PTPRN2: variants seen among roughly 807,000 people sequenced by gnomAD.
PTPRN2 encodes the protein protein tyrosine phosphatase receptor type N2, also known as receptor-type tyrosine-protein phosphatase N2.
Under a neutral mutation model 118.8 loss-of-function variants are expected in PTPRN2, and 74 were observed. That is an observed-to-expected ratio of 0.62 (90% CI 0.52 to 0.76). The LOEUF is 0.76. Ranked by LOEUF, PTPRN2 falls within the 30% of genes least tolerant of loss-of-function variation. The pLI is 0.00. For synonymous variants in PTPRN2, 641 were observed against 608.0 expected (o/e 1.05, Z -0.80); for missense variants, 1,481 against 1,394.4 (o/e 1.06, Z -0.99).
At chr7:157,686,225 G>A (rs1243400515) in intron 12 of PTPRN2, among the ~76,000 whole-genome samples, 1 of 152,212 alleles carries the variant, frequency 6.6e-6, no homozygotes, top group Non-Finnish European at 1.5e-5. Context: ...AGAAACCGAA[G>A]AAAGAGGTCT....
chr7:158,420,096 G>C (rs1815122081), intron 2 of PTPRN2, among the ~76,000 whole-genome samples: 1 of 152,158 alleles, frequency 6.6e-6, no homozygotes, highest in Non-Finnish European at 1.5e-5. Context: ...CCACATTTGT[G>C]TCCAGCACAA....
intron 5 of PTPRN2, among the ~76,000 whole-genome samples, chr7:158,169,264 ACAGAGTCTCCCTCTTTCATC>A (rs1823305707): frequency 6.6e-6 from 1 of 152,010 alleles, no homozygotes; most frequent in Non-Finnish European, 1.5e-5. Context: ...TTTTTTTGAG[ACAGAGTCTCCCTCTTTCATC>A]CAGGCTGGAG....
Position 157,780,695 on chromosome 7 carries a change from C to T in PTPRN2, c.1789-97758G>A, listed in dbSNP as rs1803625711. On this transcript the variant is annotated intron_variant, in intron 12 of 22. Coordinates refer to ENST00000389418, the MANE Select transcript of PTPRN2 (RefSeq NM_002847.5). The surrounding 1 kb of genome is among the most constrained non-coding windows in gnomAD (Gnocchi z 4.5). ...ATTTCGCAGGGTGGTCACGGGTATT[C>T]CCTATGTTGGAATGCATGATGGGGC... Among the ~76,000 whole-genome samples the T allele has an allele frequency of 6.6e-6, 1 of 152,152 alleles. No individual in the cohort carries two copies. Among genetic ancestry groups the T allele is most frequent in the Non-Finnish European group, 1.5e-5 (1 of 68,028 alleles).
At chr7:157,745,916 T>C (rs1206460869) in intron 12 of PTPRN2, among the ~76,000 whole-genome samples, 3 of 152,018 alleles carry the variant, frequency 2.0e-5, no homozygotes, top group African/African-American at 7.3e-5. Flanking sequence ...CAGGACTCCC[T>C]ACACACCATA....
At chr7:158,013,070 A>G (rs997075457) in intron 11 of PTPRN2, among the ~76,000 whole-genome samples, 2 of 152,170 alleles carry the variant, frequency 1.3e-5, no homozygotes, top group Non-Finnish European at 2.9e-5. Context: ...CCTCTCATAT[A>G]TGACTCGTAA....
intron 12 of PTPRN2, among the ~76,000 whole-genome samples, chr7:157,782,850 T>C (rs1245665052): frequency 6.6e-6 from 1 of 152,240 alleles, no homozygotes; most frequent in Non-Finnish European, 1.5e-5. Context: ...GATGACAGAA[T>C]GTGCTGGCTG....
rs1278040608 is a variant in PTPRN2 at position 157,596,345 on chromosome 7, C to G, written c.2419-1030G>C. Among the ~76,000 whole-genome samples the G allele has an allele frequency of 6.6e-6, 1 of 152,184 alleles. No homozygotes were observed. The highest frequency in any genetic ancestry group is 1.5e-5 in the Non-Finnish European group (1 of 68,042). ...TGGGAGTGGCCTCCTGTTCTGTTTC[C>G]CCACCAGGCAGGGACCAGAAACAAA... On this transcript the variant is annotated intron_variant, in intron 16 of 22. Coordinates refer to ENST00000389418, the MANE Select transcript of PTPRN2 (RefSeq NM_002847.5). This position sits in a 1 kb window ranked among gnomAD's most constrained non-coding sequence, Gnocchi z 4.2.
chr7:157,642,470 A>C (rs1804730223), intron 14 of PTPRN2, among the ~76,000 whole-genome samples: 1 of 152,200 alleles, frequency 6.6e-6, no homozygotes, highest in Non-Finnish European at 1.5e-5. Context: ...CAGATGCAGG[A>C]GTCACTGGAC....
At position 158,133,715 on chromosome 7, in the gene PTPRN2, G is replaced by T; in HGVS notation, c.1518C>A (p.Ser506=). The change falls in exon 9 of 23, where the codon TCC becomes TCA. Residue 506 remains serine, a synonymous_variant. Transcript: ENST00000389418. ...CGATGTAGCCCCGCGCCTCTTCCTC[G>T]GAAGGCTGGACCTCCAATTGCAGGC... ...SDGLQLEVQP[S]EEEARGYIVT... 1 of 1,607,880 alleles carries T rather than the reference G, an allele frequency of 6.2e-7. No homozygotes were observed. Among genetic ancestry groups the T allele is most frequent in the South Asian group, 1.1e-5 (1 of 90,882 alleles).
chr7:157,785,554 C>T lies in PTPRN2; in HGVS notation c.1789-102617G>A, dbSNP rs1447802319. ...CCTGGGTGCCATCCGCAAACCTGGT[C>T]TCTGCTGAAATCTGAACAGTCTACA... On this transcript the variant is annotated intron_variant, in intron 12 of 22. Transcript: ENST00000389418. This position sits in a 1 kb window ranked among gnomAD's most constrained non-coding sequence, Gnocchi z 7.3. 6.6e-6 allele frequency among the ~76,000 whole-genome samples: 1 copy of T among 152,124 alleles called. No homozygotes were observed. Among genetic ancestry groups the T allele is most frequent in the Non-Finnish European group, 1.5e-5 (1 of 68,006 alleles).
intron 12 of PTPRN2, among the ~76,000 whole-genome samples, chr7:157,876,710 A>T (rs1795787762): frequency 6.6e-6 from 1 of 152,140 alleles, no homozygotes; most frequent in East Asian, 1.9e-4. Context: ...GGTCGGGGGC[A>T]GCGGGAATGG....
At chr7:158,444,435 C>T (rs1218515080) in intron 2 of PTPRN2, among the ~76,000 whole-genome samples, 2 of 152,272 alleles carry the variant, frequency 1.3e-5, no homozygotes, top group Non-Finnish European at 2.9e-5. Context: ...CACTCAAAAT[C>T]TCCACACCTG....
chr7:157,599,355 T>C (rs1249755610), intron 16 of PTPRN2, among the ~76,000 whole-genome samples: 1 of 152,254 alleles, frequency 6.6e-6, no homozygotes, highest in Non-Finnish European at 1.5e-5. Context: ...GTGTTGACTC[T>C]GTTATCCCTT....
intron 22 of PTPRN2, among the ~76,000 whole-genome samples, chr7:157,541,818 T>G (rs1798026959): frequency 6.6e-6 from 1 of 152,232 alleles, no homozygotes; most frequent in Non-Finnish European, 1.5e-5. Context: ...GAAAATAGCT[T>G]GAACCGAGAC....
chr7:158,142,015 T>A (rs1252980231), intron 6 of PTPRN2, among the ~76,000 whole-genome samples: 5 of 152,208 alleles, frequency 3.3e-5, no homozygotes, highest in African/African-American at 4.8e-5. Context: ...CTCTGAATTG[T>A]TCGGCAGACA....
At chr7:158,071,514 G>A (rs548898243) in intron 11 of PTPRN2, among the ~76,000 whole-genome samples, 241 of 129,980 alleles carry the variant, frequency 1.9e-3, no homozygotes, top group Non-Finnish European at 2.2e-3. Flanking sequence ...GGAGATGCTC[G>A]TGGTGGTGGA....
chr7:157,910,259 G>C (rs749822426), intron 11 of PTPRN2, among the ~76,000 whole-genome samples: 69 of 144,054 alleles, frequency 4.8e-4, no homozygotes, highest in Admixed American at 8.4e-4. Flanking sequence ...TACACCGTGG[G>C]AACGGGTGCA....
intron 2 of PTPRN2, among the ~76,000 whole-genome samples, chr7:158,336,514 C>G (rs1231852773): frequency 1.2e-4 from 16 of 130,674 alleles, no homozygotes; most frequent in East Asian, 4.8e-4. Flanking sequence ...CACACCCACA[C>G]TCTCACCATA....
intron 12 of PTPRN2, among the ~76,000 whole-genome samples, chr7:157,743,400 G>A (rs1262848720): frequency 1.3e-5 from 2 of 152,236 alleles, no homozygotes; most frequent in Admixed American, 6.5e-5. Flanking sequence ...GGTGCGGCGG[G>A]CTATGCTTAG....
Sources: allele counts gnomAD v4.1 joint callset (sites outside exome capture counted in the v4.1 genomes callset), GRCh38; gene constraint gnomAD v4.1.1; non-coding constraint Gnocchi (gnomAD v3.1); transcripts MANE v1.5; gene names NCBI Gene and HGNC (gene_info 2026-07-23, HGNC 2026-07-21).